Variants in HS3ST4 observed in about 807,000 individuals in gnomAD.
The protein encoded by HS3ST4 is heparan sulfate glucosamine 3-O-sulfotransferase 4.
A neutral mutation model predicts 29.2 loss-of-function variants in HS3ST4; 17 were observed. The ratio of observed to expected loss-of-function variants is 0.58; its 90% CI spans 0.40 to 0.87. The LOEUF is 0.87. HS3ST4 is among the 40% of genes least tolerant of loss of function. The probability of loss-of-function intolerance (pLI) is 0.00; values close to 1 mark genes in which losing one functional copy is unlikely to be tolerated. For synonymous variants in HS3ST4, 314 were observed against 285.7 expected, an observed-to-expected ratio of 1.10 and a Z score of -1.00; for missense variants, 627 against 634.5, an observed-to-expected ratio of 0.99 and a Z score of 0.13.
intron 1 of HS3ST4, among the ~76,000 whole-genome samples, chr16:25,741,390 A>G (rs890193047): frequency 2.1e-5 from 3 of 143,926 alleles, no homozygotes; most frequent in African/African-American, 5.1e-5. Context: ...AAAAAAAAAA[A>G]GGCGGGGGGA....
chr16:25,763,944 G>A (rs575369855), intron 1 of HS3ST4, among the ~76,000 whole-genome samples: 2 of 152,308 alleles, frequency 1.3e-5, no homozygotes, highest in East Asian at 3.9e-4. Context: ...AAAAACTGTT[G>A]TAGGTTGTGG....
At chr16:26,070,488 T>C (rs998870108) in intron 1 of HS3ST4, among the ~76,000 whole-genome samples, 2 of 152,138 alleles carry the variant, frequency 1.3e-5, no homozygotes, top group African/African-American at 4.8e-5. Context: ...CAGCAAAACT[T>C]CCCAGCCAAC....
intron 1 of HS3ST4, among the ~76,000 whole-genome samples, chr16:25,709,003 C>G (rs1189930127): frequency 6.6e-6 from 1 of 152,078 alleles, no homozygotes; most frequent in East Asian, 1.9e-4. Context: ...ACACAGAAAT[C>G]CAAGGTAAAA....
chr16:25,757,419 T>C (rs1966764343), intron 1 of HS3ST4, among the ~76,000 whole-genome samples: 6 of 152,234 alleles, frequency 3.9e-5, no homozygotes, highest in Admixed American at 3.3e-4. Context: ...TTTGCAGATA[T>C]TGCATTTCTT....
chr16:25,709,881 A>G (rs1596549782), intron 1 of HS3ST4, among the ~76,000 whole-genome samples: 1 of 152,180 alleles, frequency 6.6e-6, no homozygotes, highest in Non-Finnish European at 1.5e-5. Flanking sequence ...AGCTGCCTAG[A>G]AAATTTTAAA....
chr16:25,973,824 T>G (rs2141707723), intron 1 of HS3ST4, among the ~76,000 whole-genome samples: 1 of 152,324 alleles, frequency 6.6e-6, no homozygotes, highest in East Asian at 1.9e-4. Flanking sequence ...CTCAGGTTAT[T>G]TGACTTGCTA....
At chr16:26,110,767 A>C (rs933016093) in intron 1 of HS3ST4, among the ~76,000 whole-genome samples, 3 of 152,160 alleles carry the variant, frequency 2.0e-5, no homozygotes, top group Non-Finnish European at 2.9e-5. Flanking sequence ...GGCACTCAGA[A>C]TAAAGTTTCA....
At chr16:26,004,335 T>A (rs1969238338) in intron 1 of HS3ST4, among the ~76,000 whole-genome samples, 1 of 152,174 alleles carries the variant, frequency 6.6e-6, no homozygotes, top group Non-Finnish European at 1.5e-5. Context: ...ACCAGAACCG[T>A]GTTTTAATAG....
At chr16:26,011,703 T>TGTGA (rs1378864484) in intron 1 of HS3ST4, among the ~76,000 whole-genome samples, 16 of 100,356 alleles carry the variant, frequency 1.6e-4, no homozygotes, top group African/African-American at 4.5e-4. Context: ...TGTGTGTGTG[T>TGTGA]GAGAGAGAGA....
rs184292112 is a variant in HS3ST4, at chr16:26,095,709, A to G, written c.735-39903A>G. Among the ~76,000 whole-genome samples the G allele has an allele frequency of 1.5e-4, 23 of 152,360 alleles. No individual in the cohort carries two copies. The South Asian group carries it at 3.3e-3, about 22-fold the overall frequency. On this transcript the variant is annotated intron_variant, in intron 1 of 1. Coordinates refer to ENST00000331351, the MANE Select transcript of HS3ST4 (RefSeq NM_006040.3). ...CTCTAACATCACAATTAAAAGAACTAGAGAAGCAAGAGCAAACAAATTCAA... is the reference window on the plus strand; with the variant it reads ...CTCTAACATCACAATTAAAAGAACTGGAGAAGCAAGAGCAAACAAATTCAA...
chr16:26,025,995 C>T (rs568697967), intron 1 of HS3ST4, among the ~76,000 whole-genome samples: 53 of 150,550 alleles, frequency 3.5e-4, no homozygotes, highest in African/African-American at 1.2e-3. Flanking sequence ...AGGCTGGTCT[C>T]GATCTCTTGA....
rs912628222 is a variant in HS3ST4, at chr16:26,135,469, T to C, written c.735-143T>C. The C allele has an allele frequency of 7.7e-6, 6 of 775,828 alleles. No individual in the cohort carries two copies. The Admixed American group carries it at 1.2e-4, about 16-fold the overall frequency. The allele number at this position is 775,828 out of a possible 1,614,324, so 48.1% of individuals were successfully genotyped here. A position where few individuals can be genotyped will look rare whatever the true frequency, so the allele number is the denominator to read the frequency against. On this transcript the variant is annotated intron_variant, in intron 1 of 1. Transcript: ENST00000331351. ...AGGGTAAGACTATAGTCAGGAGATA[T>C]AGGTAAGAAGAACTTGCAAGAGTTT...
At position 25,692,846 on chromosome 16, in the gene HS3ST4, G is replaced by C; in HGVS notation, c.429G>C (p.Pro143=). 4 of 1,449,662 alleles carry C rather than the reference G, an allele frequency of 2.8e-6. No homozygotes were observed. The East Asian group carries it at 1.1e-4, about 42-fold the overall frequency. The allele number at this position is 1,449,662 out of a possible 1,614,324, so 89.8% of individuals were successfully genotyped here. The change falls in exon 1 of 2, where the codon CCG becomes CCC. Residue 143 remains proline, a synonymous_variant. Coordinates refer to ENST00000331351, the MANE Select transcript of HS3ST4 (RefSeq NM_006040.3). ...GGAQDAWLRT[P]LAPSEMITAQ... ...CCCAGGACGCCTGGCTCCGGACCCCGCTGGCCCCCAGCGAGATGATCACGG... is the reference window on the plus strand; with the variant it reads ...CCCAGGACGCCTGGCTCCGGACCCCCCTGGCCCCCAGCGAGATGATCACGG...
intron 1 of HS3ST4, among the ~76,000 whole-genome samples, chr16:26,050,943 G>C (rs755352454): frequency 6.6e-6 from 1 of 152,140 alleles, no homozygotes; most frequent in Non-Finnish European, 1.5e-5. Flanking sequence ...AGCTGGAAAT[G>C]TTAAACACTG....
rs542606396 is a variant in HS3ST4 at position 25,830,867 on chromosome 16, G to A, written c.734+137716G>A. Among the ~76,000 whole-genome samples the A allele has an allele frequency of 2.6e-5, 4 of 151,920 alleles. No individual in the cohort carries two copies. In the East Asian group the frequency reaches 5.8e-4, roughly 22 times the overall value. On this transcript the variant is annotated intron_variant, in intron 1 of 1. Coordinates refer to ENST00000331351, the MANE Select transcript of HS3ST4 (RefSeq NM_006040.3). ...GACTCCCCTTTCTCATTTTTAATCC[G>A]TTCACACAGGGACATTTCAGAATGT...
chr16:25,828,280 CTT>C (rs1567249413), intron 1 of HS3ST4, among the ~76,000 whole-genome samples: 25 of 89,302 alleles, frequency 2.8e-4, no homozygotes, highest in Admixed American at 1.4e-3. Context: ...TTCTTTCTTT[CTT>C]TCTTTCTTTC....
intron 1 of HS3ST4, among the ~76,000 whole-genome samples, chr16:26,122,179 C>CAAAAA (rs200699173): frequency 1.2e-4 from 12 of 101,322 alleles, no homozygotes; most frequent in African/African-American, 3.7e-4. Flanking sequence ...ATAAACTAAG[C>CAAAAA]AAAAAAAAAA....
chr16:25,807,769 T>C (rs1341076175), intron 1 of HS3ST4, among the ~76,000 whole-genome samples: 1 of 152,196 alleles, frequency 6.6e-6, no homozygotes. Context: ...CCGCTAGCAA[T>C]GTCTGAGTGA....
At chr16:25,960,047 A>G (rs575335723) in intron 1 of HS3ST4, among the ~76,000 whole-genome samples, 60 of 152,220 alleles carry the variant, frequency 3.9e-4, no homozygotes, top group African/African-American at 1.4e-3. Context: ...GAGGCAGGAG[A>G]ATCACTTGAA....
Sources: gnomAD v4.1 joint callset for allele counts (sites outside exome capture counted in the v4.1 genomes callset) on GRCh38, gnomAD v4.1.1 for gene constraint, MANE v1.5 for transcripts, NCBI Gene and HGNC (gene_info 2026-07-23, HGNC 2026-07-21) for gene names.